RAB3GAP1: variants seen among roughly 807,000 people sequenced by gnomAD.
RAB3GAP1 encodes the protein rab3 GTPase-activating protein catalytic subunit.
RAB3GAP1 carries 86 observed loss-of-function variants against 130.7 expected under a neutral mutation model. The ratio of observed to expected loss-of-function variants is 0.66; its 90% CI spans 0.55 to 0.79. The LOEUF (loss-of-function observed/expected upper bound fraction) is 0.79. RAB3GAP1 is among the 30% of genes least tolerant of loss of function. The pLI is 0.00. For synonymous variants in RAB3GAP1, 367 were observed against 401.7 expected (o/e 0.91, Z 1.03); for missense variants, 1,029 against 1,169.4 (o/e 0.88, Z 1.75).
intron 18 of RAB3GAP1, among the ~76,000 whole-genome samples, chr2:135,151,151 TAA>T: frequency 6.6e-6 from 1 of 152,364 alleles, no homozygotes; most frequent in South Asian, 2.1e-4. Context: ...CTTATTAGCT[TAA>T]AAACTAGGAA....
chr2:135,070,143 A>G (rs975672504), intron 3 of RAB3GAP1, among the ~76,000 whole-genome samples: 12 of 152,250 alleles, frequency 7.9e-5, no homozygotes, highest in African/African-American at 2.9e-4. Context: ...AATTCCTGTC[A>G]AACAACTTGG....
At chr2:135,125,257 T>C (rs1435641400) in intron 9 of RAB3GAP1, among the ~76,000 whole-genome samples, 1 of 152,228 alleles carries the variant, frequency 6.6e-6, no homozygotes, top group Non-Finnish European at 1.5e-5. Flanking sequence ...TTAATTAGCA[T>C]GTTTTCAAGG....
chr2:135,065,354 C>T lies in RAB3GAP1; in HGVS notation c.150+7268C>T, dbSNP rs185563824. 4.7e-4 allele frequency among the ~76,000 whole-genome samples: 72 copies of T among 152,254 alleles called. 1 individual carries two copies. The highest frequency in any genetic ancestry group is 2.0e-3 in the Admixed American group (30 of 15,288). ...GGTCCCTGCCTTTTCCAGTTAGGTA[C>T]GTGTGTACTTGAGGCCAAATTTTCT... On this transcript the variant is annotated intron_variant, in intron 3 of 23. Transcript: ENST00000264158.
At chr2:135,059,235 A>C (rs973656880) in intron 3 of RAB3GAP1, among the ~76,000 whole-genome samples, 1 of 152,218 alleles carries the variant, frequency 6.6e-6, no homozygotes, top group Non-Finnish European at 1.5e-5. Context: ...AAACAAATAC[A>C]TAACAATTGA....
chr2:135,115,513 T>C, intron 7 of RAB3GAP1, 132 bp downstream of exon 7: 1 of 883,090 alleles, frequency 1.1e-6, no homozygotes, highest in South Asian at 2.1e-5. Flanking sequence ...AAGCTATAAG[T>C]GACTACATAA....
rs1247165499 is a variant in RAB3GAP1 at position 135,115,283 on chromosome 2, C to T, written c.550C>T (p.Pro184Ser). The T allele has an allele frequency of 1.2e-6, 2 of 1,613,024 alleles. No homozygotes were observed. Among genetic ancestry groups the T allele is most frequent in the African/African-American group, 1.3e-5 (1 of 74,870 alleles). The part of the protein sequence containing the change: ...RRMYVGECQG[P>S]GVRTDFEMVH... ...AATGTATGTAGGAGAATGTCAAGGTCCTGGTGTACGAACTGATTTCGAAAT... is the reference window on the plus strand; with the variant it reads ...AATGTATGTAGGAGAATGTCAAGGTTCTGGTGTACGAACTGATTTCGAAAT... The change falls in exon 7 of 24, where the codon CCT (proline) becomes TCT (serine). Residue 184 changes from proline (P) to serine (S), a missense_variant. This residue lies in a region of RAB3GAP1 where 510 missense variants were observed against 532.1 expected (regional missense o/e 0.96). Coordinates refer to ENST00000264158, the MANE Select transcript of RAB3GAP1 (RefSeq NM_012233.3).
chr2:135,052,380 G>A, intron 1 of RAB3GAP1, 50 bp from the exon 2 acceptor site: 1 of 1,614,174 alleles, frequency 6.2e-7, no homozygotes, highest in South Asian at 1.1e-5. Context: ...CGTTCCTCAT[G>A]TCTTCGCCTT....
chr2:135,109,651 G>A (rs1275724295), intron 5 of RAB3GAP1, among the ~76,000 whole-genome samples: 1 of 151,514 alleles, frequency 6.6e-6, no homozygotes, highest in African/African-American at 2.4e-5. Context: ...GCGCAATCTC[G>A]GCTCACTGCA....
chr2:135,133,073 T>C (rs1385603550), intron 14 of RAB3GAP1, 89 bp downstream of exon 14: 1 of 826,232 alleles, frequency 1.2e-6, no homozygotes, highest in Non-Finnish European at 2.0e-6. Context: ...TAGCTTACTA[T>C]ATTTTTATTT....
intron 23 of RAB3GAP1, among the ~76,000 whole-genome samples, chr2:135,167,336 G>A (rs1692684828): frequency 6.6e-6 from 1 of 150,852 alleles, no homozygotes; most frequent in African/African-American, 2.4e-5. Flanking sequence ...TTGAATAACT[G>A]TTAGGCACCT....
intron 3 of RAB3GAP1, among the ~76,000 whole-genome samples, chr2:135,085,764 A>C (rs1169122391): frequency 1.3e-5 from 2 of 152,126 alleles, no homozygotes; most frequent in Non-Finnish European, 2.9e-5. Context: ...TTTTTAAGGG[A>C]TATTTTATTG....
At chr2:135,082,555 C>T (rs947586068) in intron 3 of RAB3GAP1, among the ~76,000 whole-genome samples, 1 of 151,918 alleles carries the variant, frequency 6.6e-6, no homozygotes, top group South Asian at 2.1e-4. Flanking sequence ...ATTCTCCTGC[C>T]TCAGCCTTCC....
rs895857198 is a variant in RAB3GAP1 at position 135,052,566 on chromosome 2, C to A, written c.74+81C>A. On this transcript the variant is annotated intron_variant, in intron 2 of 23. Transcript: ENST00000264158. ...CGCTTCCCTGACCCCAGACACACCACAAGTGACGCCACTTGTGCGGGAACG... is the reference window on the plus strand; with the variant it reads ...CGCTTCCCTGACCCCAGACACACCAAAAGTGACGCCACTTGTGCGGGAACG... 2.8e-5 allele frequency: 42 copies of A among 1,498,962 alleles called. 1 individual carries two copies. In the Admixed American group the frequency reaches 6.6e-4, roughly 24 times the overall value. 92.9% of individuals were successfully genotyped at this position (1,498,962 alleles called of 1,614,324 possible).
intron 3 of RAB3GAP1, among the ~76,000 whole-genome samples, chr2:135,079,240 C>A (rs572218852): frequency 6.6e-6 from 1 of 152,274 alleles, no homozygotes; most frequent in East Asian, 1.9e-4. Context: ...CCCATCTTGG[C>A]CTCCCAAAGT....
At position 135,169,691 on chromosome 2, in the gene RAB3GAP1, G is replaced by A; in HGVS notation, c.*910G>A. On this transcript the variant is annotated 3_prime_UTR_variant, in exon 24 of 24. Coordinates refer to ENST00000264158, the MANE Select transcript of RAB3GAP1 (RefSeq NM_012233.3). The stretch of plus-strand genomic sequence containing the variant: ...TTTGGTATATGTGCTAATGCATTGA[G>A]TAGAGGATTATTTTAACACACTATT... 1 of 455,788 alleles carries A rather than the reference G, an allele frequency of 2.2e-6. No individual in the cohort carries two copies. The highest frequency in any genetic ancestry group is 4.4e-6 in the Non-Finnish European group (1 of 226,600). 28.2% of individuals were successfully genotyped at this position (455,788 alleles called of 1,614,324 possible).
chr2:135,057,837 AAAG>A (rs1689057049), intron 2 of RAB3GAP1, among the ~76,000 whole-genome samples, 171 bp from the exon 3 acceptor site: 1 of 152,250 alleles, frequency 6.6e-6, no homozygotes, highest in African/African-American at 2.4e-5. Flanking sequence ...TTCTTGAATG[AAAG>A]AAGATTATTT....
chr2:135,164,739 C>T, intron 23 of RAB3GAP1, 43 bp downstream of exon 23: 5 of 1,485,734 alleles, frequency 3.4e-6, no homozygotes, highest in Non-Finnish European at 4.6e-6. Context: ...TCTCTCCAAA[C>T]CTCTACTTGG....
chr2:135,094,316 A>G (rs1179978052), intron 5 of RAB3GAP1, among the ~76,000 whole-genome samples: 1 of 152,000 alleles, frequency 6.6e-6, no homozygotes, highest in African/African-American at 2.4e-5. Context: ...AGTTTTACAT[A>G]TGTAATAGTT....
intron 5 of RAB3GAP1, among the ~76,000 whole-genome samples, chr2:135,108,184 G>A (rs887877879): frequency 1.4e-4 from 21 of 152,020 alleles, no homozygotes; most frequent in African/African-American, 4.6e-4. Flanking sequence ...TGGAGGATGG[G>A]ATGCTAAAGC....
Sources: gnomAD v4.1 joint callset for allele counts (sites outside exome capture counted in the v4.1 genomes callset) on GRCh38, gnomAD v4.1.1 for gene constraint, gnomAD v4.1.1 regional missense constraint, MANE v1.5 for transcripts, NCBI Gene and HGNC (gene_info 2026-07-23, HGNC 2026-07-21) for gene names.